IL2RA: variants seen among roughly 807,000 people sequenced by gnomAD.
The protein encoded by IL2RA is interleukin 2 receptor subunit alpha, also known as interleukin-2 receptor subunit alpha.
Under a neutral mutation model 37.8 loss-of-function variants are expected in IL2RA, and 24 were observed. That is an observed-to-expected ratio of 0.63 (90% confidence interval 0.46 to 0.89). The LOEUF (loss-of-function observed/expected upper bound fraction) is 0.89, where lower values mean the gene tolerates loss of function less well. Among genes scored for constraint, IL2RA ranks in the 40% least tolerant of loss-of-function variants. The pLI is 0.00. For synonymous variants in IL2RA, 125 were observed against 114.6 expected (o/e 1.09, Z -0.58); for missense variants, 319 against 348.6 (o/e 0.92, Z 0.68).
At chr10:6,031,460 A>G (rs1398226387) in intron 1 of IL2RA, among the ~76,000 whole-genome samples, 6 of 14,208 alleles carry the variant, frequency 4.2e-4, no homozygotes, top group African/African-American at 1.0e-3. Context: ...ATATACATAT[A>G]TATATATATA....
At position 6,021,052 on chromosome 10, in the gene IL2RA, G is replaced by A. The variant is rs190542209; in HGVS notation, c.583+426C>T. On this transcript the variant is annotated intron_variant, in intron 4 of 7. Transcript: ENST00000379959. This position sits in a 1 kb window ranked among gnomAD's most constrained non-coding sequence, Gnocchi z 4.9. ...CACAAGGGGAAGGAACATGCTGACC[G>A]TGGAGGGCTGTTCAGATCATGCATT... Among the ~76,000 whole-genome samples, 9 of 152,068 alleles carry A rather than the reference G, an allele frequency of 5.9e-5. No individual in the cohort carries two copies. The highest frequency in any genetic ancestry group is 1.0e-4 in the Non-Finnish European group (7 of 68,024).
rs950087850 is a variant in IL2RA, at chr10:6,046,799, T to A, written c.64+15289A>T. Among the ~76,000 whole-genome samples the A allele has an allele frequency of 3.9e-5, 6 of 152,218 alleles. No individual in the cohort carries two copies. Among genetic ancestry groups the A allele is most frequent in the African/African-American group, 1.4e-4 (6 of 41,444 alleles). On this transcript the variant is annotated intron_variant, in intron 1 of 7. Coordinates refer to ENST00000379959, the MANE Select transcript of IL2RA (RefSeq NM_000417.3). This position sits in a 1 kb window ranked among gnomAD's most constrained non-coding sequence, Gnocchi z 4.8. The stretch of plus-strand genomic sequence containing the variant: ...AGTTTCAGTGGGTGGGTTCTATTCT[T>A]TTCAACAGATACCTCAGGGTTAGTG...
intron 1 of IL2RA, among the ~76,000 whole-genome samples, chr10:6,051,843 A>ATATATATATATATATATATAT (rs1839968057): frequency 7.8e-6 from 1 of 128,064 alleles, no homozygotes; most frequent in Non-Finnish European, 1.7e-5. Flanking sequence ...ATATATATAT[A>ATATATATATATATATATATAT]GAATTTTTTA....
At position 6,021,795 on chromosome 10, in the gene IL2RA, T is replaced by G; in HGVS notation, c.368-102A>C. ...GACTGGACCTTGGTTCTTACTCTCT[T>G]GACTGCTTGCTCATCCTTTCATTCA... is the stretch of plus-strand genomic sequence containing the variant. On this transcript the variant is annotated intron_variant, in intron 3 of 7. Transcript: ENST00000379959. The surrounding 1 kb of genome is among the most constrained non-coding windows in gnomAD (Gnocchi z 4.9). 1 of 875,032 alleles carries G rather than the reference T, an allele frequency of 1.1e-6. No homozygotes were observed. The highest frequency in any genetic ancestry group is 1.9e-6 in the Non-Finnish European group (1 of 527,944). 54.2% of individuals were successfully genotyped at this position (875,032 alleles called of 1,614,324 possible).
rs1039714723 is a variant in IL2RA at position 6,048,403 on chromosome 10, G to A, written c.64+13685C>T. On this transcript the variant is annotated intron_variant, in intron 1 of 7. Coordinates refer to ENST00000379959, the MANE Select transcript of IL2RA (RefSeq NM_000417.3). This position sits in a 1 kb window ranked among gnomAD's most constrained non-coding sequence, Gnocchi z 5.3. ...GAGTAGGTTCCAGGGAGGGAGGACA[G>A]TTCTGGATGTGTAGACTGAGCAGCC... Among the ~76,000 whole-genome samples, 1 of 152,216 alleles carries A rather than the reference G, an allele frequency of 6.6e-6. No homozygotes were observed. Among genetic ancestry groups the A allele is most frequent in the Non-Finnish European group, 1.5e-5 (1 of 68,032 alleles).
At position 6,028,666 on chromosome 10, in the gene IL2RA, T is replaced by G. The variant is rs1839521463; in HGVS notation, c.65-2641A>C. The stretch of plus-strand genomic sequence containing the variant: ...AGACATGTGAAGAAACAGGAAAATG[T>G]GACATACTTGACCTACTCAAAAAAG... On this transcript the variant is annotated intron_variant, in intron 1 of 7. Transcript: ENST00000379959. This position sits in a 1 kb window ranked among gnomAD's most constrained non-coding sequence, Gnocchi z 4.1. 6.6e-6 allele frequency among the ~76,000 whole-genome samples: 1 copy of G among 152,158 alleles called. No homozygotes were observed. The highest frequency in any genetic ancestry group is 2.4e-5 in the African/African-American group (1 of 41,426).
rs1194778849 is a variant in IL2RA, at chr10:6,028,438, A to T, written c.65-2413T>A. Among the ~76,000 whole-genome samples the T allele has an allele frequency of 6.6e-6, 1 of 152,190 alleles. No individual in the cohort carries two copies. Among genetic ancestry groups the T allele is most frequent in the Non-Finnish European group, 1.5e-5 (1 of 68,032 alleles). On this transcript the variant is annotated intron_variant, in intron 1 of 7. Coordinates refer to ENST00000379959, the MANE Select transcript of IL2RA (RefSeq NM_000417.3). This position sits in a 1 kb window ranked among gnomAD's most constrained non-coding sequence, Gnocchi z 4.1. ...GTAGTTTTCCAATCCTGCTTTAGAG[A>T]AAGAGGCATCCCTAGGATGAATTTC...
chr10:6,043,312 TA>T (rs1163952332), intron 1 of IL2RA, among the ~76,000 whole-genome samples: 6 of 152,226 alleles, frequency 3.9e-5, no homozygotes, highest in African/African-American at 1.4e-4. Context: ...ACCAGTAGTG[TA>T]TATTGCATCA....
intron 1 of IL2RA, among the ~76,000 whole-genome samples, chr10:6,053,666 A>T (rs1192014475): frequency 6.6e-6 from 1 of 152,146 alleles, no homozygotes; most frequent in Non-Finnish European, 1.5e-5. Flanking sequence ...ATTAATTATC[A>T]TTTTAAAAAA....
At position 6,015,888 on chromosome 10, in the gene IL2RA, T is replaced by A. The variant is rs557091419; in HGVS notation, c.794+2165A>T. On this transcript the variant is annotated intron_variant, in intron 7 of 7. Coordinates refer to ENST00000379959, the MANE Select transcript of IL2RA (RefSeq NM_000417.3). The surrounding 1 kb of genome is among the most constrained non-coding windows in gnomAD (Gnocchi z 4.9). Reference sequence around the variant, plus strand: ...TTCCATTTACACGAAATGTCCAGAATAGGCAAATCCATAGAGACGGAACAT... The same window carrying A: ...TTCCATTTACACGAAATGTCCAGAAAAGGCAAATCCATAGAGACGGAACAT... 6.6e-6 allele frequency among the ~76,000 whole-genome samples: 1 copy of A among 152,046 alleles called. No homozygotes were observed. The highest frequency in any genetic ancestry group is 6.6e-5 in the Admixed American group (1 of 15,266).
At chr10:6,013,241 T>C (rs1839220320) in intron 7 of IL2RA, among the ~76,000 whole-genome samples, 1 of 152,248 alleles carries the variant, frequency 6.6e-6, no homozygotes, top group African/African-American at 2.4e-5. Context: ...CACTGTGCTA[T>C]AGAACTTTCT....
In IL2RA at chr10:6,044,422, C is replaced by T. The variant is rs706781; in HGVS notation, c.64+17666G>A. Reference sequence around the variant, plus strand: ...ATATTTATATCTGCTTTTAATTACACGCAGTTTAAGGGGCAGTTTGCAGAA... The same window carrying T: ...ATATTTATATCTGCTTTTAATTACATGCAGTTTAAGGGGCAGTTTGCAGAA... On this transcript the variant is annotated intron_variant, in intron 1 of 7. Coordinates refer to ENST00000379959, the MANE Select transcript of IL2RA (RefSeq NM_000417.3). This position sits in a 1 kb window ranked among gnomAD's most constrained non-coding sequence, Gnocchi z 4.5. Among the ~76,000 whole-genome samples the T allele has an allele frequency of 0.75, 114,552 of 152,158 alleles. 43,301 individuals carry two copies. The highest frequency in any genetic ancestry group is 0.81 in the Admixed American group (12,382 of 15,296).
At position 6,057,091 on chromosome 10, in the gene IL2RA, T is replaced by C. The variant is rs575182812; in HGVS notation, c.64+4997A>G. ...TAGATCTTACCACATATGACTTGTG[T>C]TACCATGACTATATCTATGCCTTTC... is the stretch of plus-strand genomic sequence containing the variant. On this transcript the variant is annotated intron_variant, in intron 1 of 7. Coordinates refer to ENST00000379959, the MANE Select transcript of IL2RA (RefSeq NM_000417.3). This position sits in a 1 kb window ranked among gnomAD's most constrained non-coding sequence, Gnocchi z 4.8. Among the ~76,000 whole-genome samples the C allele has an allele frequency of 6.6e-6, 1 of 152,346 alleles. No homozygotes were observed. The highest frequency in any genetic ancestry group is 2.1e-4 in the South Asian group (1 of 4,826).
intron 1 of IL2RA, among the ~76,000 whole-genome samples, chr10:6,032,447 C>T (rs1322367553): frequency 2.0e-5 from 3 of 151,972 alleles, no homozygotes; most frequent in African/African-American, 7.2e-5. Context: ...AATCCCAGCA[C>T]TTTGGGAGGC....
At chr10:6,024,009 G>C (rs1383022799) in intron 3 of IL2RA, among the ~76,000 whole-genome samples, 1 of 152,230 alleles carries the variant, frequency 6.6e-6, no homozygotes, top group Non-Finnish European at 1.5e-5. Context: ...TACCAAACCA[G>C]GGAGTAAGCC....
At chr10:6,017,289 G>A (rs1839294898) in intron 7 of IL2RA, 1 of 152,330 alleles carries the variant, frequency 6.6e-6, no homozygotes, top group African/African-American at 2.4e-5. Context: ...GGACGGGAGG[G>A]TGGGGAGCAC....
At chr10:6,037,971 T>C (rs960415529) in intron 1 of IL2RA, among the ~76,000 whole-genome samples, 1 of 152,166 alleles carries the variant, frequency 6.6e-6, no homozygotes, top group Non-Finnish European at 1.5e-5. Flanking sequence ...AACCAGAAGT[T>C]TAGGCCGTAT....
rs1307132625 is a variant in IL2RA at position 6,054,730 on chromosome 10, C to A, written c.64+7358G>T. Among the ~76,000 whole-genome samples, 1 of 152,140 alleles carries A rather than the reference C, an allele frequency of 6.6e-6. No homozygotes were observed. Among genetic ancestry groups the A allele is most frequent in the Non-Finnish European group, 1.5e-5 (1 of 68,026 alleles). ...GAACCACCATTCAGAGCCAGGAGGT[C>A]CCAGGGCCACCTTCTCTGAGAATTT... On this transcript the variant is annotated intron_variant, in intron 1 of 7. Transcript: ENST00000379959. This position sits in a 1 kb window ranked among gnomAD's most constrained non-coding sequence, Gnocchi z 4.5.
In IL2RA at chr10:6,054,403, G is replaced by A. The variant is rs1380971864; in HGVS notation, c.64+7685C>T. Reference sequence around the variant, plus strand: ...GTGATCAGTGACCCATTGAACCGAGGACGTCTACCGGGGACCAATGACACC... The same window carrying A: ...GTGATCAGTGACCCATTGAACCGAGAACGTCTACCGGGGACCAATGACACC... On this transcript the variant is annotated intron_variant, in intron 1 of 7. Transcript: ENST00000379959. This position sits in a 1 kb window ranked among gnomAD's most constrained non-coding sequence, Gnocchi z 4.5. Among the ~76,000 whole-genome samples the A allele has an allele frequency of 6.6e-6, 1 of 152,182 alleles. No individual in the cohort carries two copies. Among genetic ancestry groups the A allele is most frequent in the East Asian group, 1.9e-4 (1 of 5,200 alleles).
Sources: allele counts gnomAD v4.1 joint callset (sites outside exome capture counted in the v4.1 genomes callset), GRCh38; gene constraint gnomAD v4.1.1; non-coding constraint Gnocchi (gnomAD v3.1); transcripts MANE v1.5; gene names NCBI Gene and HGNC (gene_info 2026-07-23, HGNC 2026-07-21).